TASP1: variants seen among roughly 807,000 people sequenced by gnomAD.
TASP1 encodes the protein threonine aspartase 1.
In TASP1, 16 loss-of-function variants were observed where a neutral mutation model predicts 56.6. That is an observed-to-expected ratio of 0.28 (90% CI 0.19 to 0.43). The LOEUF is 0.43. Ranked by LOEUF, TASP1 falls within the 20% of genes least tolerant of loss-of-function variation. The probability of loss-of-function intolerance (pLI) is 1.00; values close to 1 mark genes in which losing one functional copy is unlikely to be tolerated. For missense variants in TASP1, 393 were observed against 511.6 expected (o/e 0.77, Z 2.24); for synonymous variants, 179 against 184.2 (o/e 0.97, Z 0.23).
the TASP1 span, among the ~76,000 whole-genome samples, chr20:13,118,017 G>A: frequency 6.6e-4 from 101 of 152,282 alleles, no homozygotes; most frequent in Non-Finnish European, 9.4e-4. Flanking sequence ...ACTCTGTTAA[G>A]TAGTATCTAG....
At chr20:13,113,139 T>C in the TASP1 span, among the ~76,000 whole-genome samples, 2 of 152,078 alleles carry the variant, frequency 1.3e-5, no homozygotes, top group African/African-American at 4.8e-5. Flanking sequence ...GCCAAGATCA[T>C]GCCACTGCAC....
At position 13,516,763 on chromosome 20, in the gene TASP1, C is replaced by CA. The variant is rs531148318; in HGVS notation, c.874+11669dup. Among the ~76,000 whole-genome samples, 11 of 148,058 alleles carry CA rather than the reference C, an allele frequency of 7.4e-5. No homozygotes were observed. In the South Asian group the frequency reaches 1.1e-3, roughly 14 times the overall value. On this transcript the variant is annotated intron_variant, in intron 10 of 13. Transcript: ENST00000337743. ...AAAGCAATGCAAAGTAAGTATCTAG[C>CA]AAAAAAAATCTGAGAAATTAAAACA...
chr20:13,531,909 C>A (rs572875549), intron 9 of TASP1, among the ~76,000 whole-genome samples: 14 of 152,324 alleles, frequency 9.2e-5, no homozygotes, highest in Non-Finnish European at 1.9e-4. Context: ...ACTGATCTAC[C>A]TGCATTGGCC....
At chr20:13,364,000 T>A in the TASP1 span, among the ~76,000 whole-genome samples, 6 of 152,104 alleles carry the variant, frequency 3.9e-5, no homozygotes, top group Non-Finnish European at 7.4e-5. Context: ...GATTTGTATA[T>A]AATAACTCAC....
intron 13 of TASP1, among the ~76,000 whole-genome samples, chr20:13,401,776 T>C (rs1186710496): frequency 6.6e-6 from 1 of 152,290 alleles, no homozygotes; most frequent in Non-Finnish European, 1.5e-5. Context: ...ATAAAGTCAA[T>C]CATTTTTAAG....
chr20:13,121,474 C>T, the TASP1 span, among the ~76,000 whole-genome samples: 7 of 152,282 alleles, frequency 4.6e-5, no homozygotes, highest in African/African-American at 1.7e-4. Flanking sequence ...TGTCTGATTT[C>T]CTCCCAAAAG....
At chr20:13,191,115 G>A in the TASP1 span, among the ~76,000 whole-genome samples, 1 of 152,182 alleles carries the variant, frequency 6.6e-6, no homozygotes, top group African/African-American at 2.4e-5. Flanking sequence ...TATGGAGAAA[G>A]GCGAACTCTT....
At chr20:13,316,799 A>T in the TASP1 span, among the ~76,000 whole-genome samples, 1 of 152,060 alleles carries the variant, frequency 6.6e-6, no homozygotes, top group Middle Eastern at 3.4e-3. Context: ...CAACTTGATA[A>T]AGAAAACCTA....
chr20:13,156,839 C>T, the TASP1 span, among the ~76,000 whole-genome samples: 12 of 152,302 alleles, frequency 7.9e-5, no homozygotes, highest in South Asian at 2.1e-4. Context: ...TGAATCACCA[C>T]GGTTGCATGG....
chr20:13,627,843 T>C (rs1384956697), intron 2 of TASP1, among the ~76,000 whole-genome samples: 2 of 152,032 alleles, frequency 1.3e-5, no homozygotes, highest in Non-Finnish European at 2.9e-5. Flanking sequence ...CTTTTTCCTG[T>C]AAATAATTAG....
intron 10 of TASP1, among the ~76,000 whole-genome samples, chr20:13,496,338 A>G (rs1472809240): frequency 6.6e-6 from 1 of 152,192 alleles, no homozygotes; most frequent in East Asian, 1.9e-4. Flanking sequence ...TACAGGAGTG[A>G]GCCACTGCGC....
chr20:13,599,990 T>C (rs2047893024), intron 4 of TASP1, among the ~76,000 whole-genome samples: 1 of 152,164 alleles, frequency 6.6e-6, no homozygotes, highest in Non-Finnish European at 1.5e-5. Context: ...TTTTTCTATA[T>C]AGTAGTAATA....
At chr20:13,190,053 G>C in the TASP1 span, among the ~76,000 whole-genome samples, 206 of 152,254 alleles carry the variant, frequency 1.4e-3, no homozygotes, top group African/African-American at 4.3e-3. Flanking sequence ...CACAGAAATA[G>C]AAAACCAAAT....
At chr20:13,113,383 A>C in the TASP1 span, among the ~76,000 whole-genome samples, 86 of 152,158 alleles carry the variant, frequency 5.7e-4, 1 homozygote, top group Admixed American at 5.6e-3. Context: ...ACCATGGGTA[A>C]AGCACCCCCA....
chr20:13,526,140 T>G (rs1421883202), intron 10 of TASP1, among the ~76,000 whole-genome samples: 1 of 152,126 alleles, frequency 6.6e-6, no homozygotes, highest in Non-Finnish European at 1.5e-5. Context: ...ATCACCAATT[T>G]TAAAATAAGG....
chr20:13,572,754 G>A (rs949910148), intron 6 of TASP1, among the ~76,000 whole-genome samples: 13 of 149,840 alleles, frequency 8.7e-5, no homozygotes, highest in East Asian at 3.9e-4. Context: ...ACCCTGAAAC[G>A]GACTATCTGG....
chr20:13,584,443 C>A (rs2047231450), intron 5 of TASP1, among the ~76,000 whole-genome samples: 1 of 152,162 alleles, frequency 6.6e-6, no homozygotes, highest in East Asian at 1.9e-4. Context: ...AGGTAGTACA[C>A]AGAGAAATGC....
At chr20:13,168,981 T>TG in the TASP1 span, 1 of 149,830 alleles carries the variant, frequency 6.7e-6, no homozygotes, top group Non-Finnish European at 1.5e-5. Flanking sequence ...GCATGTGTCT[T>TG]TGTGTGTGTG....
intron 11 of TASP1, among the ~76,000 whole-genome samples, chr20:13,464,786 G>A (rs1279562126): frequency 6.6e-6 from 1 of 152,064 alleles, no homozygotes; most frequent in Non-Finnish European, 1.5e-5. Flanking sequence ...GGATACAGAA[G>A]TTCAGTTTTA....
Sources: gnomAD v4.1 joint callset for allele counts (sites outside exome capture counted in the v4.1 genomes callset) on GRCh38, gnomAD v4.1.1 for gene constraint, MANE v1.5 for transcripts, NCBI Gene and HGNC (gene_info 2026-07-23, HGNC 2026-07-21) for gene names.